Variants in NCOA3 observed in about 807,000 individuals in gnomAD.
The protein encoded by NCOA3 is nuclear receptor coactivator 3.
In NCOA3, 51 loss-of-function variants were observed where a neutral mutation model predicts 158.8. The ratio of observed to expected loss-of-function variants is 0.32; its 90% confidence interval spans 0.26 to 0.41. NCOA3 has a LOEUF of 0.41. NCOA3 is among the 10% of genes least tolerant of loss of function. NCOA3 has a pLI of 1.00. For missense variants in NCOA3, 1,510 were observed against 1,746.6 expected, an observed-to-expected ratio of 0.86 and a Z score of 2.41; for synonymous variants, 537 against 592.4, an observed-to-expected ratio of 0.91 and a Z score of 1.36.
chr20:47,522,031 A>G (rs2084343045), intron 1 of NCOA3, among the ~76,000 whole-genome samples: 1 of 147,274 alleles, frequency 6.8e-6, no homozygotes, highest in South Asian at 2.1e-4. Flanking sequence ...CACATTGTAT[A>G]TCTTTTCATT....
intron 1 of NCOA3, among the ~76,000 whole-genome samples, chr20:47,555,985 C>T (rs2085000080): frequency 1.4e-5 from 2 of 142,364 alleles, no homozygotes; most frequent in South Asian, 4.5e-4. Context: ...CTCTGTTGTC[C>T]AGGCAATGGT....
chr20:47,549,182 C>T (rs2146149424), intron 1 of NCOA3, among the ~76,000 whole-genome samples: 1 of 151,936 alleles, frequency 6.6e-6, no homozygotes, highest in East Asian at 1.9e-4. Context: ...CTTAACTATC[C>T]TTAATTTTGT....
In NCOA3 at chr20:47,627,047, G is replaced by A; in HGVS notation, c.403G>A (p.Val135Ile). The A allele has an allele frequency of 6.2e-7, 1 of 1,613,588 alleles. No homozygotes were observed. Among genetic ancestry groups the A allele is most frequent in the Non-Finnish European group, 8.5e-7 (1 of 1,179,700 alleles). The change falls in exon 6 of 23, where the codon GTA becomes ATA. Residue 135 changes from valine to isoleucine, a missense_variant. Physicochemically the swap from Val to Ile is conservative, Grantham distance 29. Transcript: ENST00000371998. ...TGTGGTGAATCGAGACGGAAACATT[G>A]TATTTGTATCAGAAAATGTCACACA... ...LFVVNRDGNIVFVSENVTQYL... is the reference protein window; with the variant it reads ...LFVVNRDGNIIFVSENVTQYL...
Position 47,615,944 on chromosome 20 carries a change from G to T in NCOA3, c.-19-6285G>T, listed in dbSNP as rs202034626. On this transcript the variant is annotated intron_variant, in intron 2 of 22. Coordinates refer to ENST00000371998, the MANE Select transcript of NCOA3 (RefSeq NM_181659.3). ...AGGCTGAGGCGGGTGGATCACTTGAGGTCAGGTGTTTGAGACCAGCCTGAC... is the reference window on the plus strand; with the variant it reads ...AGGCTGAGGCGGGTGGATCACTTGATGTCAGGTGTTTGAGACCAGCCTGAC... Among the ~76,000 whole-genome samples, 19 of 152,102 alleles carry T rather than the reference G, an allele frequency of 1.2e-4. No individual in the cohort carries two copies. The East Asian group carries it at 3.7e-3, about 30-fold the overall frequency.
chr20:47,560,101 A>T (rs2085073348), intron 1 of NCOA3, among the ~76,000 whole-genome samples: 1 of 151,972 alleles, frequency 6.6e-6, no homozygotes, highest in South Asian at 2.1e-4. Flanking sequence ...TTTTTTTTGG[A>T]GACAGTTTCG....
chr20:47,571,509 G>A (rs2085294947), intron 1 of NCOA3, among the ~76,000 whole-genome samples: 2 of 151,576 alleles, frequency 1.3e-5, no homozygotes, highest in Non-Finnish European at 2.9e-5. Context: ...TTAGAGATGA[G>A]GTTTCACTAT....
intron 1 of NCOA3, among the ~76,000 whole-genome samples, chr20:47,569,615 G>A (rs1295075695): frequency 2.7e-5 from 4 of 148,938 alleles, no homozygotes; most frequent in African/African-American, 9.9e-5. Context: ...CTCGGGAGGC[G>A]GAGGTTGTAG....
intron 17 of NCOA3, 32 bp downstream of exon 17, chr20:47,642,416 G>A (rs916877871): frequency 6.5e-7 from 1 of 1,534,750 alleles, no homozygotes; most frequent in Non-Finnish European, 8.8e-7. Context: ...GTAGGAGAGT[G>A]TATATTTGTG....
intron 1 of NCOA3, among the ~76,000 whole-genome samples, chr20:47,512,521 T>C (rs1271121476): frequency 6.9e-6 from 1 of 144,010 alleles, no homozygotes; most frequent in East Asian, 2.0e-4. Context: ...TGTGCCGACA[T>C]AGCGCCACTG....
Position 47,647,294 on chromosome 20 carries a change from C to T in NCOA3, c.3474C>T (p.Asn1158=). The change falls in exon 18 of 23, where the codon AAC becomes AAT. Residue 1158 remains asparagine (N), a synonymous_variant. Coordinates refer to ENST00000371998, the MANE Select transcript of NCOA3 (RefSeq NM_181659.3). ...TCCAAGGAATGCACCCACGAGCCAA[C>T]ATCATGAGACCCCGGACAAACACCC... ...FPLQGMHPRA[N]IMRPRTNTPK... 6.2e-7 allele frequency: 1 copy of T among 1,614,214 alleles called. No individual in the cohort carries two copies. The highest frequency in any genetic ancestry group is 8.5e-7 in the Non-Finnish European group (1 of 1,180,048).
At chr20:47,568,348 A>T (rs908794958) in intron 1 of NCOA3, among the ~76,000 whole-genome samples, 1 of 152,180 alleles carries the variant, frequency 6.6e-6, no homozygotes, top group African/African-American at 2.4e-5. Flanking sequence ...AAAAAAAAAT[A>T]CAGGCATACC....
intron 1 of NCOA3, among the ~76,000 whole-genome samples, chr20:47,549,136 CA>C (rs746463593): frequency 1.3e-5 from 2 of 152,082 alleles, no homozygotes; most frequent in African/African-American, 2.4e-5. Flanking sequence ...CCTCAGCCTC[CA>C]AAAGTGTTAG....
chr20:47,572,438 C>T (rs900651456), intron 1 of NCOA3, among the ~76,000 whole-genome samples: 1 of 152,050 alleles, frequency 6.6e-6, no homozygotes, highest in South Asian at 2.1e-4. Flanking sequence ...CTTGTCTCTT[C>T]GCATTCACAA....
At chr20:47,608,946 T>C (rs1740496331) in intron 2 of NCOA3, among the ~76,000 whole-genome samples, 2 of 152,208 alleles carry the variant, frequency 1.3e-5, no homozygotes, top group African/African-American at 4.8e-5. Flanking sequence ...GTTTGGCCAA[T>C]TTCAGGGGCA....
chr20:47,547,424 A>T lies in NCOA3; in HGVS notation c.-98-35759A>T, dbSNP rs546385200. ...TTTTTATATTATTATTATTATTATT[A>T]TTATTTTAGACGGAGTCTCGCTCTG... On this transcript the variant is annotated intron_variant, in intron 1 of 22. Coordinates refer to ENST00000371998, the MANE Select transcript of NCOA3 (RefSeq NM_181659.3). Among the ~76,000 whole-genome samples, 32 of 150,560 alleles carry T rather than the reference A, an allele frequency of 2.1e-4. No individual in the cohort carries two copies. In the East Asian group the frequency reaches 4.5e-3, roughly 21 times the overall value.
chr20:47,625,879 C>T (rs1241119679), intron 5 of NCOA3, among the ~76,000 whole-genome samples: 1 of 152,164 alleles, frequency 6.6e-6, no homozygotes, highest in Non-Finnish European at 1.5e-5. Flanking sequence ...ATAAAAAACA[C>T]CTCAGTGTGA....
In NCOA3 at chr20:47,576,646, T is replaced by C. The variant is rs577517057; in HGVS notation, c.-98-6537T>C. On this transcript the variant is annotated intron_variant, in intron 1 of 22. Coordinates refer to ENST00000371998, the MANE Select transcript of NCOA3 (RefSeq NM_181659.3). Reference sequence around the variant, plus strand: ...AAAATAAAAAGAAGGGAAAGCCTTATAAGAAAAGGAAAATGTGCAATCCTG... The same window carrying C: ...AAAATAAAAAGAAGGGAAAGCCTTACAAGAAAAGGAAAATGTGCAATCCTG... Among the ~76,000 whole-genome samples, 48 of 152,300 alleles carry C rather than the reference T, an allele frequency of 3.2e-4. No individual in the cohort carries two copies. The South Asian group carries it at 9.3e-3, about 30-fold the overall frequency.
intron 1 of NCOA3, among the ~76,000 whole-genome samples, chr20:47,532,034 C>T (rs1054735190): frequency 6.6e-6 from 1 of 151,492 alleles, no homozygotes; most frequent in Non-Finnish European, 1.5e-5. Flanking sequence ...CATGTGTTGC[C>T]TATTCCTTAG....
intron 2 of NCOA3, among the ~76,000 whole-genome samples, chr20:47,602,279 A>G (rs2085877262): frequency 1.3e-5 from 2 of 152,336 alleles, no homozygotes; most frequent in South Asian, 2.1e-4. Flanking sequence ...GTAGAAATTA[A>G]CTTTTTTCTA....
Sources: allele counts gnomAD v4.1 joint callset (sites outside exome capture counted in the v4.1 genomes callset), GRCh38; gene constraint gnomAD v4.1.1; transcripts MANE v1.5; gene names NCBI Gene and HGNC (gene_info 2026-07-23, HGNC 2026-07-21).